The following TMEM182 variants were observed in gnomAD, a reference collection of about 807,000 sequenced individuals.
TMEM182 encodes transmembrane protein 182.
In TMEM182, 20 loss-of-function variants were observed where a neutral mutation model predicts 26.8. The observed-to-expected ratio is 0.75, with a 90% CI of 0.53 to 1.09. The LOEUF (loss-of-function observed/expected upper bound fraction) is 1.09, where lower values mean the gene tolerates loss of function less well. Ranked by LOEUF, TMEM182 falls within the 50% of genes least tolerant of loss-of-function variation. TMEM182 has a pLI of 0.00. For missense variants in TMEM182, 277 were observed against 275.5 expected, an observed-to-expected ratio of 1.01 and a Z score of -0.04; for synonymous variants, 109 against 102.2, an observed-to-expected ratio of 1.07 and a Z score of -0.40.
intron 1 of TMEM182, among the ~76,000 whole-genome samples, chr2:102,746,729 C>G (rs907902610): frequency 3.3e-4 from 50 of 152,108 alleles, no homozygotes; most frequent in Non-Finnish European, 4.4e-5. Flanking sequence ...GCTGGGATTA[C>G]AGGCAGCCAC....
chr2:102,840,579 G>A (rs1273818938), intron 3 of TMEM182, among the ~76,000 whole-genome samples: 1 of 152,074 alleles, frequency 6.6e-6, no homozygotes, highest in East Asian at 1.9e-4. Flanking sequence ...CTCATATAGA[G>A]GACGCAATAA....
chr2:102,816,580 A>G lies in TMEM182; in HGVS notation c.*1612A>G. On this transcript the variant is annotated 3_prime_UTR_variant, in exon 5 of 5. Coordinates refer to ENST00000412401, the MANE Select transcript of TMEM182 (RefSeq NM_144632.5). The stretch of plus-strand genomic sequence containing the variant: ...AGAGGCCTAACTGGTTTCTCAAGTC[A>G]TTTCAGTGATATCATTGAAACGTTT... 1.0e-6 allele frequency: 1 copy of G among 984,726 alleles called. No homozygotes were observed. Among genetic ancestry groups the G allele is most frequent in the Non-Finnish European group, 1.2e-6 (1 of 829,660 alleles). The allele number at this position is 984,726 out of a possible 1,614,324, so 61.0% of individuals were successfully genotyped here.
intron 3 of TMEM182, among the ~76,000 whole-genome samples, chr2:102,839,458 T>C (rs1174570505): frequency 1.4e-5 from 2 of 146,628 alleles, no homozygotes; most frequent in African/African-American, 5.0e-5. Context: ...TATATATATA[T>C]ATATATATAT....
rs1553446276 is a variant in TMEM182 at position 102,839,471 on chromosome 2, A to AT, written c.326-3941_326-3940insT. Reference sequence around the variant, plus strand: ...GCTATATATATATATATATATATATAATATATACACACAAAAATAATTCCT... The same window carrying AT: ...GCTATATATATATATATATATATATATATATATACACACAAAAATAATTCCT... On this transcript the variant is annotated intron_variant, in intron 3 of 3. Coordinates refer to the TMEM182 transcript ENST00000486293. Among the ~76,000 whole-genome samples the AT allele has an allele frequency of 9.2e-3, 1,237 of 134,854 alleles. 20 individuals are homozygous for AT. Among genetic ancestry groups the AT allele is most frequent in the African/African-American group, 0.033 (1,172 of 35,588 alleles). The allele number at this position is 134,854 out of a possible 152,430, so 88.5% of individuals were successfully genotyped here. A position where few individuals can be genotyped will look rare whatever the true frequency, so the allele number is the denominator to read the frequency against.
chr2:102,800,052 G>T (rs1682052141), intron 4 of TMEM182, among the ~76,000 whole-genome samples: 1 of 152,048 alleles, frequency 6.6e-6, no homozygotes, highest in Admixed American at 6.5e-5. Flanking sequence ...GAAGAACCCT[G>T]TTAAACCATT....
intron 3 of TMEM182, among the ~76,000 whole-genome samples, chr2:102,830,354 G>T (rs1210554901): frequency 6.6e-6 from 1 of 152,160 alleles, no homozygotes; most frequent in East Asian, 1.9e-4. Context: ...GTGAAGTCAT[G>T]GGGCTTTCAG....
At chr2:102,800,568 T>C (rs954982846) in intron 4 of TMEM182, among the ~76,000 whole-genome samples, 3 of 152,194 alleles carry the variant, frequency 2.0e-5, no homozygotes, top group Non-Finnish European at 2.9e-5. Flanking sequence ...TTTTCAAAGT[T>C]CCAGTAAGGG....
intron 3 of TMEM182, among the ~76,000 whole-genome samples, chr2:102,774,102 A>C (rs1293032893): frequency 6.6e-6 from 1 of 152,170 alleles, no homozygotes; most frequent in Non-Finnish European, 1.5e-5. Flanking sequence ...TATCTTATCT[A>C]TACATCTGTA....
chr2:102,756,417 A>C (rs185849459), intron 1 of TMEM182, among the ~76,000 whole-genome samples: 312 of 152,296 alleles, frequency 2.0e-3, no homozygotes, highest in Non-Finnish European at 2.2e-3. Flanking sequence ...ATATTAAAAA[A>C]CAGAAATCTG....
At chr2:102,741,226 G>A (rs970701838) in intron 1 of TMEM182, among the ~76,000 whole-genome samples, 1 of 152,204 alleles carries the variant, frequency 6.6e-6, no homozygotes, top group African/African-American at 2.4e-5. Context: ...CTAGTAACTA[G>A]TAGGATGACT....
intron 1 of TMEM182, among the ~76,000 whole-genome samples, chr2:102,746,914 G>T (rs1387863478): frequency 1.3e-5 from 2 of 151,748 alleles, no homozygotes; most frequent in Non-Finnish European, 2.9e-5. Flanking sequence ...TTTGATGGAG[G>T]GAAGAACACA....
At chr2:102,762,529 A>T (rs1476546610) in intron 1 of TMEM182, 58 bp from the exon 2 acceptor site, 3 of 1,568,830 alleles carry the variant, frequency 1.9e-6, no homozygotes, top group Non-Finnish European at 1.7e-6. Context: ...ACTGGCTGTA[A>T]TGATTTTGAT....
rs1682740008 is a variant in TMEM182 at position 102,816,233 on chromosome 2, G to A, written c.*1265G>A. 2.0e-6 allele frequency: 2 copies of A among 985,386 alleles called. No homozygotes were observed. Among genetic ancestry groups the A allele is most frequent in the African/African-American group, 1.7e-5 (1 of 57,354 alleles). 61.0% of individuals were successfully genotyped at this position (985,386 alleles called of 1,614,324 possible). On this transcript the variant is annotated 3_prime_UTR_variant, in exon 5 of 5. Transcript: ENST00000412401. ...GCCTCCATCGCAGGGGAGCTCGGCA[G>A]GGTATGTGAGCTTTGTTGGAGGTGC... is the stretch of plus-strand genomic sequence containing the variant.
intron 3 of TMEM182, among the ~76,000 whole-genome samples, chr2:102,794,850 A>G (rs1020897436): frequency 6.6e-6 from 1 of 152,094 alleles, no homozygotes; most frequent in Non-Finnish European, 1.5e-5. Context: ...CACATTTGGA[A>G]AGTTTTCAGG....
chr2:102,780,983 C>T (rs993428523), intron 3 of TMEM182, among the ~76,000 whole-genome samples: 4 of 152,108 alleles, frequency 2.6e-5, no homozygotes, highest in Non-Finnish European at 4.4e-5. Context: ...ATGGGCAATA[C>T]GAAAACTCAG....
chr2:102,791,199 G>A (rs1681620006), intron 3 of TMEM182, among the ~76,000 whole-genome samples: 1 of 152,226 alleles, frequency 6.6e-6, no homozygotes, highest in African/African-American at 2.4e-5. Context: ...GCCTCCCAAA[G>A]TGCTGGGATT....
intron 4 of TMEM182, among the ~76,000 whole-genome samples, chr2:102,799,599 T>A (rs1682024763): frequency 6.6e-6 from 1 of 152,224 alleles, no homozygotes; most frequent in Non-Finnish European, 1.5e-5. Flanking sequence ...GGGCAGGATC[T>A]AATGGTCATA....
chr2:102,748,773 A>G (rs566847729), intron 1 of TMEM182, among the ~76,000 whole-genome samples: 1 of 152,210 alleles, frequency 6.6e-6, no homozygotes, highest in Non-Finnish European at 1.5e-5. Context: ...TAAGCTGATA[A>G]CATAAAAATG....
At chr2:102,755,878 C>A (rs982115573) in intron 1 of TMEM182, among the ~76,000 whole-genome samples, 4 of 152,074 alleles carry the variant, frequency 2.6e-5, no homozygotes, top group Admixed American at 6.5e-5. Context: ...TTCTAAAAAC[C>A]GTCTAGGAAA....
Sources: gnomAD v4.1 joint callset for allele counts (sites outside exome capture counted in the v4.1 genomes callset) on GRCh38, gnomAD v4.1.1 for gene constraint, MANE v1.5 for transcripts, NCBI Gene and HGNC (gene_info 2026-07-23, HGNC 2026-07-21) for gene names.